The following DMD variants were observed in gnomAD, a reference collection of about 807,000 sequenced individuals.
DMD encodes mutant dystrophin.
A neutral mutation model predicts 330.1 loss-of-function variants in DMD; 63 were observed. That is an observed-to-expected ratio of 0.19 (90% CI 0.16 to 0.24). DMD has a LOEUF of 0.24. Among genes scored for constraint, DMD ranks in the 10% least tolerant of loss-of-function variants. The pLI is 1.00. For synonymous variants in DMD, 1,223 were observed against 959.8 expected (o/e 1.27, Z -5.07); for missense variants, 3,344 against 2,684.1 (o/e 1.25, Z -5.43).
intron 50 of DMD, among the ~76,000 whole-genome samples, chrX:31,777,977 T>C (rs1459500056): frequency 8.9e-6 from 1 of 112,180 alleles, no homozygotes; most frequent in East Asian, 2.8e-4. Flanking sequence ...TCCACACCCA[T>C]GTCTATTGTG....
chrX:32,278,591 A>T (rs1234325514), intron 43 of DMD, among the ~76,000 whole-genome samples: 1 of 111,632 alleles, frequency 9.0e-6, no homozygotes, highest in East Asian at 2.8e-4. Flanking sequence ...GACACTTCTC[A>T]AAAGAAGACA....
Position 31,801,277 on chromosome X carries a change from G to A in DMD, c.7309+18698C>T, listed in dbSNP as rs1457427588. ...AGTGCCAGCAAGGGAAATGCCAGAT[G>A]CTTATAAAACCATCAGATCTCATGA... is the stretch of plus-strand genomic sequence containing the variant. On this transcript the variant is annotated intron_variant, in intron 50 of 78. Coordinates refer to ENST00000357033, the MANE Select transcript of DMD (RefSeq NM_004006.3). 3.6e-5 allele frequency among the ~76,000 whole-genome samples: 4 copies of A among 111,412 alleles called. No homozygotes were observed. The Admixed American group carries it at 3.8e-4, about 11-fold the overall frequency.
chrX:32,786,906 G>A (rs1307290527), intron 7 of DMD, among the ~76,000 whole-genome samples: 1 of 111,120 alleles, frequency 9.0e-6, no homozygotes, highest in Non-Finnish European at 1.9e-5. Context: ...ACAATATCAA[G>A]CAATGTGCCC....
At chrX:33,066,461 A>AAAAAGGAAAG (rs754870790) in intron 1 of DMD, among the ~76,000 whole-genome samples, 1 of 84,207 alleles carries the variant, frequency 1.2e-5, no homozygotes, top group Non-Finnish European at 2.1e-5. Context: ...AAAAAAAAAA[A>AAAAAGGAAAG]AAGGAAGGAA....
chrX:32,278,380 TAAATATTGATGCAAAATTGATGCAAA>T (rs933723063), intron 43 of DMD, among the ~76,000 whole-genome samples: 4 of 111,240 alleles, frequency 3.6e-5, no homozygotes, highest in African/African-American at 1.3e-4. Context: ...TACCATGTGA[TAAATATTGATGCAAAATTGATGCAAA>T]AAATATTGAT....
chrX:32,426,794 G>A (rs73619077), intron 29 of DMD, among the ~76,000 whole-genome samples: 15,021 of 111,289 alleles, frequency 0.13, 829 homozygotes, highest in African/African-American at 0.19. Context: ...GAAGGAGTTC[G>A]TGTCCTTTGC....
At chrX:31,855,984 C>T (rs1231949336) in intron 48 of DMD, among the ~76,000 whole-genome samples, 1 of 111,778 alleles carries the variant, frequency 8.9e-6, no homozygotes, top group African/African-American at 3.2e-5. Flanking sequence ...TCACTAGTCT[C>T]CTGAAAAGTC....
chrX:32,188,972 T>C (rs1484400456), intron 44 of DMD, among the ~76,000 whole-genome samples: 2 of 111,023 alleles, frequency 1.8e-5, no homozygotes, highest in Non-Finnish European at 3.8e-5. Flanking sequence ...TTTTCACCTA[T>C]AGGGTCTACA....
At chrX:32,499,926 GA>G (rs1238437734) in intron 19 of DMD, among the ~76,000 whole-genome samples, 1 of 111,381 alleles carries the variant, frequency 9.0e-6, no homozygotes, top group African/African-American at 3.3e-5. Context: ...AGATAAGTTA[GA>G]ATATTTGAGC....
rs750775079 is a variant in DMD, at chrX:31,758,532, TTCTC to T, written c.7542+15424_7542+15427del. 1.4e-4 allele frequency among the ~76,000 whole-genome samples: 15 copies of T among 110,129 alleles called. No individual in the cohort carries two copies. In the South Asian group the frequency reaches 3.1e-3, roughly 23 times the overall value. Reference sequence around the variant, plus strand: ...AGAAAACAATTACAGTGAAACATGTTTCTCTCTCTCTCTCTCTTTTTAAATTTGT... The same window carrying T: ...AGAAAACAATTACAGTGAAACATGTTTCTCTCTCTCTCTTTTTAAATTTGT... On this transcript the variant is annotated intron_variant, in intron 51 of 78. Transcript: ENST00000357033.
At chrX:32,528,227 T>G (rs2047104583) in intron 17 of DMD, among the ~76,000 whole-genome samples, 1 of 110,639 alleles carries the variant, frequency 9.0e-6, no homozygotes, top group African/African-American at 3.3e-5. Flanking sequence ...GAGAATTGCT[T>G]GAACCAGGGA....
At chrX:32,335,392 A>G (rs1395500480) in intron 41 of DMD, among the ~76,000 whole-genome samples, 3 of 105,275 alleles carry the variant, frequency 2.8e-5, no homozygotes, top group African/African-American at 1.0e-4. Context: ...CATATATAAT[A>G]CATATATATA....
At chrX:31,911,344 C>T (rs1443008404) in intron 47 of DMD, among the ~76,000 whole-genome samples, 1 of 111,925 alleles carries the variant, frequency 8.9e-6, no homozygotes, top group Non-Finnish European at 1.9e-5. Flanking sequence ...GATGTCTTAC[C>T]ATGTGCTGAG....
At chrX:32,435,481 C>G (rs962441239) in intron 29 of DMD, among the ~76,000 whole-genome samples, 1 of 108,527 alleles carries the variant, frequency 9.2e-6, no homozygotes, top group Non-Finnish European at 1.9e-5. Context: ...AAAAAAACCC[C>G]CTATGAAACA....
At chrX:33,293,445 T>C (rs2053542044) in intron 1 of DMD, among the ~76,000 whole-genome samples, 2 of 111,581 alleles carry the variant, frequency 1.8e-5, no homozygotes, top group Non-Finnish European at 3.8e-5. Flanking sequence ...CATTTTGTAG[T>C]CCAGATGGCT....
At chrX:32,730,094 A>G (rs2067376703) in intron 7 of DMD, among the ~76,000 whole-genome samples, 1 of 112,017 alleles carries the variant, frequency 8.9e-6, no homozygotes, top group Admixed American at 9.5e-5. Context: ...GCATTTTCGG[A>G]GGCTGAGGCA....
intron 7 of DMD, among the ~76,000 whole-genome samples, chrX:32,784,849 T>TA (rs1259712127): frequency 1.8e-5 from 2 of 111,891 alleles, no homozygotes; most frequent in African/African-American, 6.5e-5. Context: ...TTCTGTCTTA[T>TA]ATAACAGTTA....
At position 32,468,661 on chromosome X, in the gene DMD, C is replaced by T; in HGVS notation, c.2999G>A (p.Ser1000Asn). The change falls in exon 23 of 79, where the codon AGC becomes AAC. Residue 1000 changes from serine to asparagine, a missense_variant. Physicochemically the swap from Ser to Asn is conservative, Grantham distance 46. Coordinates refer to ENST00000357033, the MANE Select transcript of DMD (RefSeq NM_004006.3). Reference protein sequence around the residue: ...QEQQSGLYYLSTTVKEMSKKA... With the variant: ...QEQQSGLYYLNTTVKEMSKKA... ...CTTCGACATCTCTTTCACAGTGGTG[C>T]TGAGATAGTATAGGCCACTTTGTTG... 1.2e-5 allele frequency: 14 copies of T among 1,211,227 alleles called. No homozygotes were observed. Among genetic ancestry groups the T allele is most frequent in the Non-Finnish European group, 1.5e-5 (13 of 895,301 alleles).
intron 1 of DMD, among the ~76,000 whole-genome samples, chrX:33,052,738 C>T (rs2094472013): frequency 9.0e-6 from 1 of 111,555 alleles, no homozygotes; most frequent in South Asian, 3.7e-4. Flanking sequence ...AATCTAAGCC[C>T]TAATCAATAG....
Sources: gnomAD v4.1 joint callset for allele counts (sites outside exome capture counted in the v4.1 genomes callset) on GRCh38, gnomAD v4.1.1 for gene constraint, MANE v1.5 for transcripts, NCBI Gene and HGNC (gene_info 2026-07-23, HGNC 2026-07-21) for gene names.